SGCA: variants seen among roughly 807,000 people sequenced by gnomAD.
SGCA encodes the protein sarcoglycan alpha.
SGCA carries 34 observed loss-of-function variants against 38.1 expected under a neutral mutation model. The ratio of observed to expected loss-of-function variants is 0.89; its 90% CI spans 0.68 to 1.19. The LOEUF is 1.19. Among genes scored for constraint, SGCA ranks in the 50% most tolerant of loss-of-function variants. The pLI is 0.00. For missense variants in SGCA, 476 were observed against 524.9 expected (o/e 0.91, Z 0.91); for synonymous variants, 209 against 214.6 (o/e 0.97, Z 0.23).
chr17:50,168,941 G>A (rs1192631560), intron 5 of SGCA, 151 bp from the exon 6 acceptor site: 5 of 739,044 alleles, frequency 6.8e-6, no homozygotes, highest in South Asian at 1.5e-5. Context: ...GCTGTGCCAT[G>A]TTCCTCCCTT....
intron 8 of SGCA, chr17:50,175,044 GC>G (rs1334258840): frequency 3.3e-6 from 2 of 613,616 alleles, no homozygotes; most frequent in African/African-American, 3.6e-5. Flanking sequence ...TGATCTGCCT[GC>G]CTTGGCCTCC....
At chr17:50,170,000 A>AGAGCTGTGCGCT in intron 6 of SGCA, 143 bp from the exon 7 acceptor site, 1 of 725,268 alleles carries the variant, frequency 1.4e-6, no homozygotes, top group East Asian at 2.7e-5. Context: ...GTCAGACCCT[A>AGAGCTGTGCGCT]GAGCTGTGCG....
At chr17:50,171,785 T>G (rs1567743785) in intron 8 of SGCA, 1 of 456,758 alleles carries the variant, frequency 2.2e-6, no homozygotes, top group East Asian at 6.9e-5. Context: ...TCGGGCCATG[T>G]CGTAGCCCGT....
chr17:50,169,446 C>CACACACACACACACACA, intron 6 of SGCA, 192 bp downstream of exon 6: 2 of 576,268 alleles, frequency 3.5e-6, no homozygotes. Context: ...CACACACACA[C>CACACACACACACACACA]CCCTGAAGTT....
Position 50,170,672 on chromosome 17 carries a change from T to A in SGCA, c.983+6T>A. ...AGAGACCTGGCTACCTCCGAGTGAG[T>A]AAAGGAAAGCTGGGGGTGGGGTGGG... is the stretch of plus-strand genomic sequence containing the variant. On this transcript the variant is annotated splice_donor_region_variant and intron_variant, in intron 8 of 9. Transcript: ENST00000262018. 1 of 1,558,670 alleles carries A rather than the reference T, an allele frequency of 6.4e-7. No homozygotes were observed.
At position 50,171,495 on chromosome 17, in the gene SGCA, C is replaced by A. The variant is rs1265595856; in HGVS notation, c.983+829C>A. The A allele has an allele frequency of 4.8e-5, 22 of 456,600 alleles. No homozygotes were observed. The Admixed American group carries it at 5.2e-4, about 11-fold the overall frequency. 28.3% of individuals were successfully genotyped at this position (456,600 alleles called of 1,614,324 possible). On this transcript the variant is annotated intron_variant, in intron 8 of 9. Coordinates refer to ENST00000262018, the MANE Select transcript of SGCA (RefSeq NM_000023.4). ...ATGGCGGTCTTGGCACCCCTGACTGCTTGCCTGGCCTGCCTCATTAATTGC... is the reference window on the plus strand; with the variant it reads ...ATGGCGGTCTTGGCACCCCTGACTGATTGCCTGGCCTGCCTCATTAATTGC...
intron 8 of SGCA, chr17:50,172,433 G>A (rs1056416691): frequency 7.7e-6 from 3 of 388,630 alleles, no homozygotes; most frequent in South Asian, 1.8e-5. Context: ...GGCCTGCACG[G>A]TGCGTGCACA....
In SGCA at chr17:50,167,239, T is replaced by C; in HGVS notation, c.38-129T>C. The C allele has an allele frequency of 7.4e-7, 1 of 1,344,720 alleles. No individual in the cohort carries two copies. Among genetic ancestry groups the C allele is most frequent in the Non-Finnish European group, 1.0e-6 (1 of 968,974 alleles). The allele number at this position is 1,344,720 out of a possible 1,614,324, so 83.3% of individuals were successfully genotyped here. ...CCCCATCCCCACCCCAATCCCTTCC[T>C]GGGAGGCAGCAAAGGAAGCGCTTCT... is the stretch of plus-strand genomic sequence containing the variant. On this transcript the variant is annotated intron_variant, in intron 1 of 9. Transcript: ENST00000262018. The surrounding 1 kb of genome is among the most constrained non-coding windows in gnomAD (Gnocchi z 4.5).
In SGCA at chr17:50,168,586, C is replaced by G; in HGVS notation, c.584+14C>G. 1 of 1,553,540 alleles carries G rather than the reference C, an allele frequency of 6.4e-7. No individual in the cohort carries two copies. Among genetic ancestry groups the G allele is most frequent in the Non-Finnish European group, 8.7e-7 (1 of 1,147,024 alleles). ...CCGAAAAGAAGGGTAGGTGTGCAAC[C>G]CTAGAGGACTTCCTGAAAGAGGAGG... On this transcript the variant is annotated intron_variant, in intron 5 of 9. Transcript: ENST00000262018.
chr17:50,169,412 G>GACACACAC, intron 6 of SGCA, 158 bp downstream of exon 6: 1 of 329,284 alleles, frequency 3.0e-6, no homozygotes, highest in Non-Finnish European at 5.1e-6. Context: ...TTAGTCTGAG[G>GACACACAC]ATACACACAC....
chr17:50,170,372 C>T lies in SGCA; in HGVS notation c.956+21C>T, dbSNP rs367690233. 2.1e-5 allele frequency: 33 copies of T among 1,605,292 alleles called. No homozygotes were observed. The highest frequency in any genetic ancestry group is 1.5e-4 in the South Asian group (14 of 90,842). On this transcript the variant is annotated intron_variant, in intron 7 of 9. Transcript: ENST00000262018. Reference sequence around the variant, plus strand: ...GGAAGGTGAATGTGGGCATGAAGGGCGGGGGAGCACCTGCTGGAGCTCACA... The same window carrying T: ...GGAAGGTGAATGTGGGCATGAAGGGTGGGGGAGCACCTGCTGGAGCTCACA...
rs542864100 is a variant in SGCA, at chr17:50,166,693, C to T, written c.37+616C>T. Among the ~76,000 whole-genome samples the T allele has an allele frequency of 2.1e-3, 306 of 149,040 alleles. 1 individual carries two copies. Among genetic ancestry groups the T allele is most frequent in the African/African-American group, 7.4e-3 (299 of 40,394 alleles). The stretch of plus-strand genomic sequence containing the variant: ...ACACACACACCCACACACACCCTCA[C>T]ACACACCCTCACGGCACCCTCACAC... On this transcript the variant is annotated intron_variant, in intron 1 of 9. Transcript: ENST00000262018.
intron 8 of SGCA, chr17:50,171,706 C>G (rs1302502399): frequency 2.2e-6 from 1 of 456,704 alleles, no homozygotes; most frequent in African/African-American, 2.0e-5. Flanking sequence ...GCCTGAGGCC[C>G]CCCTGCCGGT....
At chr17:50,172,071 G>C (rs769615019) in intron 8 of SGCA, 1 of 453,968 alleles carries the variant, frequency 2.2e-6, no homozygotes, top group Non-Finnish European at 4.5e-6. Context: ...GGACCTCCAG[G>C]GCGGCTGGAA....
Position 50,168,647 on chromosome 17 carries a change from C to T in SGCA, c.584+75C>T, listed in dbSNP as rs1301727680. The stretch of plus-strand genomic sequence containing the variant: ...TGGCGGGCATAGAACAAGGGTCTCC[C>T]TAATTTCCAGGTGGGGCTTTACCAC... On this transcript the variant is annotated intron_variant, in intron 5 of 9. Coordinates refer to ENST00000262018, the MANE Select transcript of SGCA (RefSeq NM_000023.4). 7 of 1,376,260 alleles carry T rather than the reference C, an allele frequency of 5.1e-6. No homozygotes were observed. The Admixed American group carries it at 5.9e-5, about 12-fold the overall frequency. The allele number at this position is 1,376,260 out of a possible 1,614,324, so 85.3% of individuals were successfully genotyped here.
chr17:50,175,526 G>C, intron 9 of SGCA, 77 bp downstream of exon 9: 1 of 1,351,440 alleles, frequency 7.4e-7, no homozygotes, highest in Non-Finnish European at 1.0e-6. Flanking sequence ...CAAATGGTGG[G>C]GTCTGGGAGA....
chr17:50,167,874 C>G lies in SGCA; in HGVS notation c.313-73C>G. 6.5e-7 allele frequency: 1 copy of G among 1,543,944 alleles called. No homozygotes were observed. The highest frequency in any genetic ancestry group is 9.0e-7 in the Non-Finnish European group (1 of 1,116,164). On this transcript the variant is annotated intron_variant, in intron 3 of 9. Coordinates refer to ENST00000262018, the MANE Select transcript of SGCA (RefSeq NM_000023.4). The surrounding 1 kb of genome is among the most constrained non-coding windows in gnomAD (Gnocchi z 4.5). ...ATACCTCTAATTTGGTATCTGAGTCCTCTCCTGCCAGGCCCCCGCTGTGCC... is the reference window on the plus strand; with the variant it reads ...ATACCTCTAATTTGGTATCTGAGTCGTCTCCTGCCAGGCCCCCGCTGTGCC...
In SGCA at chr17:50,175,229, GC is replaced by G. The variant is rs974479771; in HGVS notation, c.984-27del. 5 of 1,579,264 alleles carry G rather than the reference GC, an allele frequency of 3.2e-6. No homozygotes were observed. The African/African-American group carries it at 6.7e-5, about 21-fold the overall frequency. Reference sequence around the variant, plus strand: ...TACTCCAGGGCAGCTGACTCCCAGAGCTGATGACTCCCCACCTGTGCCTCCA... The same window carrying G: ...TACTCCAGGGCAGCTGACTCCCAGAGTGATGACTCCCCACCTGTGCCTCCA... On this transcript the variant is annotated intron_variant, in intron 8 of 9. Coordinates refer to ENST00000262018, the MANE Select transcript of SGCA (RefSeq NM_000023.4).
chr17:50,174,210 A>G (rs1905732002), intron 8 of SGCA, among the ~76,000 whole-genome samples: 1 of 152,066 alleles, frequency 6.6e-6, no homozygotes, highest in Non-Finnish European at 1.5e-5. Context: ...AGTCCCAGTT[A>G]CTCAGGAGGC....
Sources: gnomAD v4.1 joint callset for allele counts (sites outside exome capture counted in the v4.1 genomes callset) on GRCh38, gnomAD v4.1.1 for gene constraint, Gnocchi (gnomAD v3.1) non-coding constraint, MANE v1.5 for transcripts, NCBI Gene and HGNC (gene_info 2026-07-23, HGNC 2026-07-21) for gene names.